The following KIF1A variants were observed in gnomAD, a reference collection of about 807,000 sequenced individuals.
The protein encoded by KIF1A is kinesin-like protein KIF1A.
In KIF1A, 46 loss-of-function variants were observed where a neutral mutation model predicts 227.3. The ratio of observed to expected loss-of-function variants is 0.20; its 90% confidence interval spans 0.16 to 0.26. The LOEUF (loss-of-function observed/expected upper bound fraction) is 0.26, where lower values mean the gene tolerates loss of function less well. Among genes scored for constraint, KIF1A ranks in the 10% least tolerant of loss-of-function variants. The pLI, the probability that KIF1A is intolerant of heterozygous loss-of-function variation, is 1.00. For synonymous variants in KIF1A, 1,022 were observed against 1,012.8 expected, an observed-to-expected ratio of 1.01 and a Z score of -0.17; for missense variants, 1,683 against 2,485.9, an observed-to-expected ratio of 0.68 and a Z score of 6.87.
Position 240,766,456 on chromosome 2 carries a change from A to G in KIF1A, c.1684+459T>C, listed in dbSNP as rs2051191580. Among the ~76,000 whole-genome samples, 1 of 152,140 alleles carries G rather than the reference A, an allele frequency of 6.6e-6. No homozygotes were observed. The highest frequency in any genetic ancestry group is 6.5e-5 in the Admixed American group (1 of 15,270). Reference sequence around the variant, plus strand: ...GGCCGCCCACAGCCAACAGGAAACCAAGGTCTGGAAATAGTTTTCCACCCT... The same window carrying G: ...GGCCGCCCACAGCCAACAGGAAACCGAGGTCTGGAAATAGTTTTCCACCCT... On this transcript the variant is annotated intron_variant, in intron 19 of 48. Coordinates refer to ENST00000498729, the MANE Select transcript of KIF1A (RefSeq NM_001244008.2). This position sits in a 1 kb window ranked among gnomAD's most constrained non-coding sequence, Gnocchi z 5.0.
chr2:240,783,117 C>A lies in KIF1A; in HGVS notation c.799-8G>T. 6.2e-7 allele frequency: 1 copy of A among 1,612,318 alleles called. No individual in the cohort carries two copies. On this transcript the variant is annotated splice_region_variant and splice_polypyrimidine_tract_variant and intron_variant, in intron 8 of 48. Coordinates refer to ENST00000498729, the MANE Select transcript of KIF1A (RefSeq NM_001244008.2). Reference sequence around the variant, plus strand: ...GTTGATGTTGGCCCCCTCCTGCGGGCAGAAAAGACAGTGGGGTTGGGATGC... The same window carrying A: ...GTTGATGTTGGCCCCCTCCTGCGGGAAGAAAAGACAGTGGGGTTGGGATGC...
rs1217973162 is a variant in KIF1A at position 240,714,214 on chromosome 2, G to A, written c.*3150C>T. The A allele has an allele frequency of 1.3e-5, 2 of 152,522 alleles. No individual in the cohort carries two copies. The highest frequency in any genetic ancestry group is 2.9e-5 in the Non-Finnish European group (2 of 68,180). 9.4% of individuals were successfully genotyped at this position (152,522 alleles called of 1,614,324 possible). A position where few individuals can be genotyped will look rare whatever the true frequency, so the allele number is the denominator to read the frequency against. ...TCCAGGGACCAGGGTTGACAGGGAG[G>A]GCCACCTCATCACAGCCGTCCTGGG... On this transcript the variant is annotated 3_prime_UTR_variant, in exon 49 of 49. Transcript: ENST00000498729.
In KIF1A at chr2:240,778,886, C is replaced by T. The variant is rs575465139; in HGVS notation, c.883-2960G>A. On this transcript the variant is annotated intron_variant, in intron 10 of 48. Coordinates refer to ENST00000498729, the MANE Select transcript of KIF1A (RefSeq NM_001244008.2). The surrounding 1 kb of genome is among the most constrained non-coding windows in gnomAD (Gnocchi z 7.2). ...ACAACCCTTCACGCCATCCCCAATG[C>T]GGGTGCACACACACTTTCCACACAC... 1.6e-4 allele frequency among the ~76,000 whole-genome samples: 25 copies of T among 152,190 alleles called. No individual in the cohort carries two copies. The highest frequency in any genetic ancestry group is 2.6e-4 in the Non-Finnish European group (18 of 68,002).
chr2:240,812,630 A>C (rs1575676892), intron 1 of KIF1A, among the ~76,000 whole-genome samples: 1 of 131,708 alleles, frequency 7.6e-6, no homozygotes, highest in Non-Finnish European at 1.6e-5. Context: ...ATCTGCCTTC[A>C]CCTCTGGGTC....
rs1258028012 is a variant in KIF1A, at chr2:240,725,233, G to T, written c.4256+38C>A. The T allele has an allele frequency of 3.2e-6, 5 of 1,569,624 alleles. No individual in the cohort carries two copies. The highest frequency in any genetic ancestry group is 2.3e-5 in the South Asian group (2 of 85,716). On this transcript the variant is annotated intron_variant, in intron 40 of 48. Coordinates refer to ENST00000498729, the MANE Select transcript of KIF1A (RefSeq NM_001244008.2). This position sits in a 1 kb window ranked among gnomAD's most constrained non-coding sequence, Gnocchi z 5.8. Reference sequence around the variant, plus strand: ...CCTGCCTGGCCCGCACCGAGACCAGGGTGGGAGTCCATGTGGTCCTCACCC... The same window carrying T: ...CCTGCCTGGCCCGCACCGAGACCAGTGTGGGAGTCCATGTGGTCCTCACCC...
At position 240,766,121 on chromosome 2, in the gene KIF1A, G is replaced by T. The variant is rs1302000914; in HGVS notation, c.1685-328C>A. On this transcript the variant is annotated intron_variant, in intron 19 of 48. Transcript: ENST00000498729. The surrounding 1 kb of genome is among the most constrained non-coding windows in gnomAD (Gnocchi z 5.0). ...ATAAAAACACCAGCTAATGGGGCCT[G>T]GGCCGTCCCACAGGAGAGGGTAGGC... is the stretch of plus-strand genomic sequence containing the variant. 1.3e-5 allele frequency among the ~76,000 whole-genome samples: 2 copies of T among 152,378 alleles called. No individual in the cohort carries two copies. The highest frequency in any genetic ancestry group is 3.9e-4 in the East Asian group (2 of 5,190).
At chr2:240,734,435 C>T (rs1320676923) in intron 38 of KIF1A, among the ~76,000 whole-genome samples, 1 of 151,962 alleles carries the variant, frequency 6.6e-6, no homozygotes, top group Non-Finnish European at 1.5e-5. Context: ...CCAGTGTCTA[C>T]TAGGGAGCAG....
chr2:240,762,831 G>GT lies in KIF1A; in HGVS notation c.2023-20dup. 6.4e-7 allele frequency: 1 copy of GT among 1,568,720 alleles called. No homozygotes were observed. The highest frequency in any genetic ancestry group is 8.7e-7 in the Non-Finnish European group (1 of 1,151,782). On this transcript the variant is annotated intron_variant, in intron 22 of 48. Coordinates refer to ENST00000498729, the MANE Select transcript of KIF1A (RefSeq NM_001244008.2). ...CATAGTCCTGCAGAAAGCAAGGCCT[G>GT]TGACTCCACTACGGCCCTACCTGCC... is the stretch of plus-strand genomic sequence containing the variant.
chr2:240,803,783 G>C (rs565555073), intron 1 of KIF1A, among the ~76,000 whole-genome samples: 9 of 152,190 alleles, frequency 5.9e-5, no homozygotes, highest in African/African-American at 2.2e-4. Context: ...AGGAACAAAG[G>C]CTGCTGATTT....
chr2:240,767,306 A>G lies in KIF1A; in HGVS notation c.1537T>C (p.Ser513Pro). The change falls in exon 18 of 49, where the codon TCT becomes CCT. Residue 513 changes from serine (S) to proline (P), a missense_variant. Physicochemically the swap from Ser to Pro is moderately conservative, Grantham distance 74. Around this residue, in one of 12 missense-constraint regions of KIF1A, gnomAD observed 217 missense variants for 427.0 expected, o/e 0.51. Transcript: ENST00000498729. ...TTGATGTAGTAGAGCAGGCACTCAG[A>G]CATCAGCGGGTCCTCGTTCAGGTTG... ...LVNLNEDPLM[S>P]ECLLYYIKDG... 6.2e-7 allele frequency: 1 copy of G among 1,613,744 alleles called. No homozygotes were observed. The highest frequency in any genetic ancestry group is 8.5e-7 in the Non-Finnish European group (1 of 1,179,914).
chr2:240,765,659 T>C, intron 20 of KIF1A, 51 bp downstream of exon 20: 1 of 1,437,324 alleles, frequency 7.0e-7, no homozygotes, highest in East Asian at 2.3e-5. Flanking sequence ...AACAGAGGCC[T>C]CGCCTCATGC....
chr2:240,734,616 G>T, intron 38 of KIF1A: 2 of 766,916 alleles, frequency 2.6e-6, no homozygotes, highest in Non-Finnish European at 4.0e-6. Flanking sequence ...CAGGAAGCTG[G>T]AAGTTAACTT....
Position 240,758,441 on chromosome 2 carries a change from C to T in KIF1A, c.2501G>A (p.Ser834Asn), listed in dbSNP as rs2050125118. 2.5e-6 allele frequency: 4 copies of T among 1,611,932 alleles called. No individual in the cohort carries two copies. Among genetic ancestry groups the T allele is most frequent in the Non-Finnish European group, 3.4e-6 (4 of 1,178,910 alleles). Residue 834 changes from serine (S) to asparagine (N), a missense_variant, in exon 26 of 49, where the codon AGT (serine) becomes AAT (asparagine). Physicochemically the swap from Ser to Asn is conservative, Grantham distance 46 (BLOSUM62 1). This residue lies in a region of KIF1A where 759 missense variants were observed against 1,020.2 expected (regional missense o/e 0.74). Coordinates refer to ENST00000498729, the MANE Select transcript of KIF1A (RefSeq NM_001244008.2). This position sits in a 1 kb window ranked among gnomAD's most constrained non-coding sequence, Gnocchi z 5.2. ...MYDRAAEVPS[S>N]VIEDCDNVVT... Reference sequence around the variant, plus strand: ...CACGTTGTCACAGTCCTCGATGACACTGGAGGGCACCTCTGCAGCGCGGTC... The same window carrying T: ...CACGTTGTCACAGTCCTCGATGACATTGGAGGGCACCTCTGCAGCGCGGTC...
intron 23 of KIF1A, among the ~76,000 whole-genome samples, chr2:240,761,621 C>T (rs1225886836): frequency 3.3e-5 from 5 of 152,236 alleles, no homozygotes; most frequent in Admixed American, 3.3e-4. Flanking sequence ...TCCTCTCACT[C>T]TGGGTCTGGG....
rs1029966343 is a variant in KIF1A, at chr2:240,716,368, G to T, written c.*996C>A. 6.6e-6 allele frequency: 1 copy of T among 152,302 alleles called. No individual in the cohort carries two copies. Among genetic ancestry groups the T allele is most frequent in the African/African-American group, 2.4e-5 (1 of 41,412 alleles). The allele number at this position is 152,302 out of a possible 1,614,324, so 9.4% of individuals were successfully genotyped here. Reference sequence around the variant, plus strand: ...GCTGCGCCACAGCCCTCGACACCTAGACCGTCGCCCTGAATTCCGATCTTC... The same window carrying T: ...GCTGCGCCACAGCCCTCGACACCTATACCGTCGCCCTGAATTCCGATCTTC... On this transcript the variant is annotated 3_prime_UTR_variant, in exon 49 of 49. Coordinates refer to ENST00000498729, the MANE Select transcript of KIF1A (RefSeq NM_001244008.2).
chr2:240,782,807 T>C (rs891522394), intron 9 of KIF1A, among the ~76,000 whole-genome samples, 200 bp from the exon 10 acceptor site: 1 of 152,066 alleles, frequency 6.6e-6, no homozygotes, highest in African/African-American at 2.4e-5. Flanking sequence ...GGCTGCCTGC[T>C]GCACGGGGCC....
At chr2:240,732,174 G>A (rs2046760688) in intron 38 of KIF1A, among the ~76,000 whole-genome samples, 1 of 117,174 alleles carries the variant, frequency 8.5e-6, no homozygotes, top group South Asian at 3.4e-4. Flanking sequence ...AGAGGATAAA[G>A]GGAGGAGAGA....
chr2:240,762,723 A>G lies in KIF1A; in HGVS notation c.2112T>C (p.Asp704=). 2 of 1,588,876 alleles carry G rather than the reference A, an allele frequency of 1.3e-6. No homozygotes were observed. Among genetic ancestry groups the G allele is most frequent in the Non-Finnish European group, 1.7e-6 (2 of 1,161,622 alleles). ...GCTGGCCCAGTGACCCCTCACCTTC[A>G]TCCTCGGGCTCCTCCTCCTCCTCGT... ...EVNEEEEEPE[D]EVQWTERECE... Residue 704 remains aspartate, a synonymous_variant, in exon 23 of 49, where the codon GAT becomes GAC. Coordinates refer to ENST00000498729, the MANE Select transcript of KIF1A (RefSeq NM_001244008.2).
At position 240,746,191 on chromosome 2, in the gene KIF1A, G is replaced by A; in HGVS notation, c.3064-14C>T. 1 of 1,556,264 alleles carries A rather than the reference G, an allele frequency of 6.4e-7. No individual in the cohort carries two copies. Among genetic ancestry groups the A allele is most frequent in the Non-Finnish European group, 8.7e-7 (1 of 1,150,422 alleles). ...CTCGGACTGGAACTGATCAGAGGGG[G>A]ACCAGAGTCAGAGAGAGCCAGGAGC... is the stretch of plus-strand genomic sequence containing the variant. On this transcript the variant is annotated splice_polypyrimidine_tract_variant and intron_variant, in intron 29 of 48. Coordinates refer to ENST00000498729, the MANE Select transcript of KIF1A (RefSeq NM_001244008.2).
Sources: allele counts gnomAD v4.1 joint callset (sites outside exome capture counted in the v4.1 genomes callset), GRCh38; gene constraint gnomAD v4.1.1; regional missense constraint gnomAD v4.1.1; non-coding constraint Gnocchi (gnomAD v3.1); transcripts MANE v1.5; gene names NCBI Gene and HGNC (gene_info 2026-07-23, HGNC 2026-07-21).